The following CAPN6 variants were observed in gnomAD, a reference collection of about 807,000 sequenced individuals.
CAPN6 encodes the protein calpain-6.
Under a neutral mutation model 46.0 loss-of-function variants are expected in CAPN6, and 16 were observed. The ratio of observed to expected loss-of-function variants is 0.35; its 90% CI spans 0.24 to 0.53. The LOEUF is 0.53. Among genes scored for constraint, CAPN6 ranks in the 20% least tolerant of loss-of-function variants. CAPN6 has a pLI of 0.94. For missense variants in CAPN6, 461 were observed against 498.0 expected (o/e 0.93, Z 0.71); for synonymous variants, 206 against 172.8 (o/e 1.19, Z -1.51).
intron 2 of CAPN6, among the ~76,000 whole-genome samples, chrX:111,256,845 AC>A (rs61313475): frequency 0.15 from 11,587 of 78,523 alleles, 721 homozygotes; most frequent in African/African-American, 0.23. Context: ...TAAATTTGGG[AC>A]CCCCCCCCCC....
At chrX:111,264,530 T>C (rs2094990356) in intron 1 of CAPN6, among the ~76,000 whole-genome samples, 1 of 111,656 alleles carries the variant, frequency 9.0e-6, no homozygotes. Context: ...AAGAAACAGC[T>C]CAGCAGATGG....
chrX:111,255,105 TG>T (rs1481764516), intron 2 of CAPN6, among the ~76,000 whole-genome samples: 1 of 111,950 alleles, frequency 8.9e-6, no homozygotes, highest in Non-Finnish European at 1.9e-5. Flanking sequence ...TTGTTTGGAA[TG>T]TATGTGTGTA....
At position 111,263,933 on chromosome X, in the gene CAPN6, C is replaced by T; in HGVS notation, c.4G>A (p.Gly2Ser). 2 of 1,190,947 alleles carry T rather than the reference C, an allele frequency of 1.7e-6. No homozygotes were observed. Among genetic ancestry groups the T allele is most frequent in the Non-Finnish European group, 2.3e-6 (2 of 885,894 alleles). M[G>S]PPLKLFKNQK... ...TTTTTGAAGAGCTTCAGAGGAGGAC[C>T]CATAGTGTTGAACTATGCCTAGAAT... Residue 2 changes from glycine to serine, a missense_variant, in exon 2 of 13, where the codon GGT becomes AGT. By Grantham distance (56) the Gly-to-Ser change is moderately conservative. Transcript: ENST00000324068.
In CAPN6 at chrX:111,250,962, T is replaced by A. The variant is rs1355628592; in HGVS notation, c.1113A>T (p.Ser371=). The stretch of plus-strand genomic sequence containing the variant: ...TATCACGGTTGTTATAGCAGCCTCC[T>A]GAGCGGTTCATCAGGGGATCATCAT... The part of the protein sequence containing the change: ...TVDDDPLMNR[S]GGCYNNRDTF... The change falls in exon 8 of 13, where the codon TCA becomes TCT. Residue 371 remains serine (S), a synonymous_variant. Transcript: ENST00000324068. 4.1e-6 allele frequency: 5 copies of A among 1,209,429 alleles called. No homozygotes were observed. In the Admixed American group the frequency reaches 1.1e-4, roughly 26 times the overall value.
Position 111,247,416 on chromosome X carries a change from G to A in CAPN6, c.1695C>T (p.Thr565=), listed in dbSNP as rs371693829. The A allele has an allele frequency of 4.2e-6, 5 of 1,204,552 alleles. No homozygotes were observed. The African/African-American group carries it at 7.1e-5, about 17-fold the overall frequency. ...QKNTVHAIFD[T]QAIFYRRTTD... Reference sequence around the variant, plus strand: ...TGGTCCTTCTGTAGAAAATGGCCTGGGTGTCAAAAATGGCATGAACTGTAT... The same window carrying A: ...TGGTCCTTCTGTAGAAAATGGCCTGAGTGTCAAAAATGGCATGAACTGTAT... Residue 565 remains threonine, a synonymous_variant, in exon 12 of 13, where the codon ACC becomes ACT. Transcript: ENST00000324068.
intron 10 of CAPN6, among the ~76,000 whole-genome samples, chrX:111,248,214 T>C (rs2094976126): frequency 9.0e-6 from 1 of 111,714 alleles, no homozygotes; most frequent in Admixed American, 9.5e-5. Flanking sequence ...GACAAAAAGG[T>C]GGCTTTGGTG....
rs878920780 is a variant in CAPN6, at chrX:111,247,755, C to A, written c.1606+116G>T. 58 of 947,148 alleles carry A rather than the reference C, an allele frequency of 6.1e-5. No homozygotes were observed. The South Asian group carries it at 1.2e-3, about 20-fold the overall frequency. 78.1% of individuals were successfully genotyped at this position (947,148 alleles called of 1,213,427 possible). On this transcript the variant is annotated intron_variant, in intron 11 of 12. Coordinates refer to ENST00000324068, the MANE Select transcript of CAPN6 (RefSeq NM_014289.4). ...TCCTCTGCCATGGTTGCCATCCATT[C>A]CCAACTTCTCTAGACAAAATATCGC... is the stretch of plus-strand genomic sequence containing the variant.
rs1275221249 is a variant in CAPN6, at chrX:111,245,759, C to T, written c.*818G>A. 8.8e-6 allele frequency: 1 copy of T among 113,010 alleles called. No individual in the cohort carries two copies. Among genetic ancestry groups the T allele is most frequent in the Non-Finnish European group, 1.9e-5 (1 of 53,392 alleles). 9.3% of individuals were successfully genotyped at this position (113,010 alleles called of 1,213,427 possible). ...GCCTGAATGGTAGTTCGTGCGCGCCCATGTGCGCGTGTGTGAGTGTAGGTG... is the reference window on the plus strand; with the variant it reads ...GCCTGAATGGTAGTTCGTGCGCGCCTATGTGCGCGTGTGTGAGTGTAGGTG... On this transcript the variant is annotated 3_prime_UTR_variant, in exon 13 of 13. Transcript: ENST00000324068.
rs771365324 is a variant in CAPN6, at chrX:111,255,308, G to A, written c.166-905C>T. ...AGGATTCATAGTGTTGTTAACACTGGAGTTGACTAGAATTAGGCAGTTGGA... is the reference window on the plus strand; with the variant it reads ...AGGATTCATAGTGTTGTTAACACTGAAGTTGACTAGAATTAGGCAGTTGGA... On this transcript the variant is annotated intron_variant, in intron 2 of 12. Transcript: ENST00000324068. Among the ~76,000 whole-genome samples the A allele has an allele frequency of 9.8e-5, 11 of 112,499 alleles. No homozygotes were observed. The East Asian group carries it at 3.1e-3, about 32-fold the overall frequency.
In CAPN6 at chrX:111,247,887, C is replaced by A; in HGVS notation, c.1590G>T (p.Lys530Asn). ...ITVHSAEDLE[K>N]KYANETVNPY... ...CATTCTTACTTTCATTGGCATACTT[C>A]TTCTCCAGGTCCTCAGCACTGTGAA... Residue 530 changes from lysine to asparagine, a missense_variant, in exon 11 of 13, where the codon AAG becomes AAT. Coordinates refer to ENST00000324068, the MANE Select transcript of CAPN6 (RefSeq NM_014289.4). 6 of 1,210,583 alleles carry A rather than the reference C, an allele frequency of 5.0e-6. No individual in the cohort carries two copies. Among genetic ancestry groups the A allele is most frequent in the Non-Finnish European group, 6.7e-6 (6 of 894,885 alleles).
chrX:111,257,226 C>G (rs17004000), intron 2 of CAPN6, among the ~76,000 whole-genome samples: 5,305 of 111,645 alleles, frequency 0.048, 187 homozygotes, highest in African/African-American at 0.11. Flanking sequence ...TGCAACTCCT[C>G]AGGGACAGAG....
rs17886026 is a variant in CAPN6 at position 111,257,097 on chromosome X, G to T, written c.166-2694C>A. Among the ~76,000 whole-genome samples, 24 of 111,157 alleles carry T rather than the reference G, an allele frequency of 2.2e-4. No individual in the cohort carries two copies. In the East Asian group the frequency reaches 5.7e-3, roughly 26 times the overall value. On this transcript the variant is annotated intron_variant, in intron 2 of 12. Transcript: ENST00000324068. ...ATCTAGCTAGTCAGCAGGAGACCTA[G>T]GCCTAAAGTTTTTTATTTTTCAGAA...
chrX:111,247,667 C>T (rs1191834017), intron 11 of CAPN6, among the ~76,000 whole-genome samples, 163 bp from the exon 12 acceptor site: 2 of 111,730 alleles, frequency 1.8e-5, no homozygotes, highest in Non-Finnish European at 3.8e-5. Context: ...TTTCCTTTTC[C>T]ATATTTTATA....
rs1456885995 is a variant in CAPN6 at position 111,250,990 on chromosome X, A to G, written c.1085T>C (p.Val362Ala). The change falls in exon 8 of 13, where the codon GTG becomes GCG. Residue 362 changes from valine to alanine, a missense_variant. Transcript: ENST00000324068. ...GCGGTTCATCAGGGGATCATCATCC[A>G]CAGTCCAGCATCCCAACACCGATTC... Reference protein sequence around the residue: ...ELESVLGCWTVDDDPLMNRSG... With the variant: ...ELESVLGCWTADDDPLMNRSG... 5.9e-5 allele frequency: 71 copies of G among 1,209,426 alleles called. No homozygotes were observed. The highest frequency in any genetic ancestry group is 7.7e-5 in the Non-Finnish European group (69 of 894,934).
In CAPN6 at chrX:111,270,466, A is replaced by T; in HGVS notation, c.-111T>A. The T allele has an allele frequency of 6.2e-6, 2 of 324,570 alleles. No individual in the cohort carries two copies. The highest frequency in any genetic ancestry group is 5.4e-5 in the South Asian group (2 of 36,855). 26.7% of individuals were successfully genotyped at this position (324,570 alleles called of 1,213,427 possible). Reference sequence around the variant, plus strand: ...CTGTTAGCCAGGTAACCCCACTAAAAGTCTGTTCAGTCAGTGTGGCTGAAC... The same window carrying T: ...CTGTTAGCCAGGTAACCCCACTAAATGTCTGTTCAGTCAGTGTGGCTGAAC... On this transcript the variant is annotated 5_prime_UTR_variant, in exon 1 of 13. Coordinates refer to ENST00000324068, the MANE Select transcript of CAPN6 (RefSeq NM_014289.4).
At chrX:111,269,675 A>T (rs746812335) in intron 1 of CAPN6, among the ~76,000 whole-genome samples, 14 of 111,842 alleles carry the variant, frequency 1.3e-4, no homozygotes, top group Middle Eastern at 9.3e-3. Flanking sequence ...GGAGTGGAGG[A>T]TGGAGCCCCA....
rs201183870 is a variant in CAPN6 at position 111,251,611 on chromosome X, C to T, written c.831G>A (p.Val277=). 7.4e-5 allele frequency: 89 copies of T among 1,208,286 alleles called. No homozygotes were observed. The Admixed American group carries it at 9.8e-4, about 13-fold the overall frequency. The stretch of plus-strand genomic sequence containing the variant: ...AGGGGTTTCTCAGGCGAACCATATA[C>T]ACCTTCTCAGCACTGAAGACTTCCA... ...RLVEVFSAEK[V]YMVRLRNPLG... is the part of the protein sequence containing the mutation. The change falls in exon 6 of 13, where the codon GTG becomes GTA. Residue 277 remains valine, a synonymous_variant. Transcript: ENST00000324068.
Position 111,246,625 on chromosome X carries a change from G to A in CAPN6, c.1878C>T (p.Gly626=). 1 of 1,211,079 alleles carries A rather than the reference G, an allele frequency of 8.3e-7. No homozygotes were observed. Among genetic ancestry groups the A allele is most frequent in the Non-Finnish European group, 1.1e-6 (1 of 895,000 alleles). ...TGGAAATAACCTTGAAGCTGATGTG[G>A]CCTTGCTTGACTTTGGCAGTTGGAC... is the stretch of plus-strand genomic sequence containing the variant. ...KGGPTAKVKQ[G]HISFKVISSD... is the part of the protein sequence containing the mutation. The change falls in exon 13 of 13, where the codon GGC becomes GGT. Residue 626 remains glycine (G), a synonymous_variant. Coordinates refer to ENST00000324068, the MANE Select transcript of CAPN6 (RefSeq NM_014289.4).
Position 111,249,017 on chromosome X carries a change from A to G in CAPN6, c.1199T>C (p.Met400Thr). 2 of 1,211,685 alleles carry G rather than the reference A, an allele frequency of 1.7e-6. No individual in the cohort carries two copies. Among genetic ancestry groups the G allele is most frequent in the Non-Finnish European group, 2.2e-6 (2 of 895,311 alleles). ...TVPEDGHKVI[M>T]SLQQKDLRTY... ...GCGCAGGTCCTTCTGCTGCAGTGAC[A>G]TAATGACCTTGTGCCCATCCTCAGG... Residue 400 changes from methionine to threonine, a missense_variant, in exon 9 of 13, where the codon ATG (methionine) becomes ACG (threonine). Coordinates refer to ENST00000324068, the MANE Select transcript of CAPN6 (RefSeq NM_014289.4).
Sources: gnomAD v4.1 joint callset for allele counts (sites outside exome capture counted in the v4.1 genomes callset) on GRCh38, gnomAD v4.1.1 for gene constraint, MANE v1.5 for transcripts, NCBI Gene and HGNC (gene_info 2026-07-23, HGNC 2026-07-21) for gene names.